XDH: variants seen among roughly 807,000 people sequenced by gnomAD.
XDH encodes the protein xanthine dehydrogenase.
Under a neutral mutation model 156.1 loss-of-function variants are expected in XDH, and 138 were observed. That is an observed-to-expected ratio of 0.88 (90% confidence interval 0.77 to 1.02). The LOEUF (loss-of-function observed/expected upper bound fraction) is 1.02. Among genes scored for constraint, XDH ranks in the 50% least tolerant of loss-of-function variants. The probability of loss-of-function intolerance (pLI) is 0.00; values close to 1 mark genes in which losing one functional copy is unlikely to be tolerated. For synonymous variants in XDH, 669 were observed against 625.7 expected, an observed-to-expected ratio of 1.07 and a Z score of -1.03; for missense variants, 1,849 against 1,684.9, an observed-to-expected ratio of 1.10 and a Z score of -1.71.
chr2:31,361,333 T>G (rs201669727), intron 24 of XDH, among the ~76,000 whole-genome samples: 2 of 152,216 alleles, frequency 1.3e-5, no homozygotes, highest in East Asian at 3.9e-4. Flanking sequence ...AGGTAATTAT[T>G]TCAGACTTTA....
At chr2:31,359,456 G>GT (rs1685716129) in intron 24 of XDH, among the ~76,000 whole-genome samples, 1 of 151,402 alleles carries the variant, frequency 6.6e-6, no homozygotes, top group Admixed American at 6.6e-5. Context: ...CAGTGATGCA[G>GT]TAACAGGTCC....
chr2:31,409,780 A>C (rs1687292389), intron 1 of XDH, among the ~76,000 whole-genome samples: 1 of 152,248 alleles, frequency 6.6e-6, no homozygotes. Flanking sequence ...ACACCTGTCC[A>C]CTGTTGATGG....
At chr2:31,338,164 C>T (rs1042897466) in intron 34 of XDH, among the ~76,000 whole-genome samples, 3 of 152,168 alleles carry the variant, frequency 2.0e-5, no homozygotes, top group African/African-American at 7.2e-5. Flanking sequence ...TAACCTTTTC[C>T]TCAGTCACTA....
chr2:31,404,067 C>T (rs1425352117), intron 2 of XDH, among the ~76,000 whole-genome samples: 7 of 148,226 alleles, frequency 4.7e-5, no homozygotes, highest in African/African-American at 1.8e-4. Context: ...AGGAAAGAAA[C>T]TTCCTCACAG....
chr2:31,386,108 C>A (rs1312066670), intron 9 of XDH, among the ~76,000 whole-genome samples: 2 of 152,186 alleles, frequency 1.3e-5, no homozygotes, highest in African/African-American at 4.8e-5. Flanking sequence ...ACACCCAAAA[C>A]AATCCTTCAA....
intron 31 of XDH, among the ~76,000 whole-genome samples, chr2:31,343,310 A>ATATATATATATATACATGTT (rs1685181121): frequency 9.8e-6 from 1 of 102,230 alleles, no homozygotes; most frequent in Non-Finnish European, 1.9e-5. Flanking sequence ...ATATATATAT[A>ATATATATATATATACATGTT]TATATATATA....
chr2:31,388,048 G>A lies in XDH; in HGVS notation c.565-151C>T, dbSNP rs986142609. 5 of 1,108,506 alleles carry A rather than the reference G, an allele frequency of 4.5e-6. No individual in the cohort carries two copies. The Admixed American group carries it at 9.9e-5, about 22-fold the overall frequency. 68.7% of individuals were successfully genotyped at this position (1,108,506 alleles called of 1,614,324 possible). A position where few individuals can be genotyped will look rare whatever the true frequency, so the allele number is the denominator to read the frequency against. Reference sequence around the variant, plus strand: ...TAATCCCTGGGAGGCAGGAATGAGAGAGTCTCAGTTACAGGACCCGGGGCT... The same window carrying A: ...TAATCCCTGGGAGGCAGGAATGAGAAAGTCTCAGTTACAGGACCCGGGGCT... On this transcript the variant is annotated intron_variant, in intron 7 of 35. Transcript: ENST00000379416.
At chr2:31,401,390 A>C (rs1177240817) in intron 3 of XDH, 62 bp from the exon 4 acceptor site, 24 of 1,564,348 alleles carry the variant, frequency 1.5e-5, no homozygotes, top group Non-Finnish European at 2.1e-5. Context: ...AATGGGCCTG[A>C]CTGTGAGCTC....
chr2:31,375,587 C>T (rs764737672), intron 14 of XDH, 33 bp from the exon 15 acceptor site: 18 of 1,607,324 alleles, frequency 1.1e-5, no homozygotes, highest in Admixed American at 6.7e-5. Context: ...ACAGCGCTCC[C>T]GCCCAGCCCT....
intron 16 of XDH, among the ~76,000 whole-genome samples, chr2:31,372,778 A>G (rs1057465850): frequency 2.0e-5 from 3 of 152,224 alleles, no homozygotes; most frequent in Non-Finnish European, 4.4e-5. Context: ...TTTGTGTTTG[A>G]CAATAATTCA....
rs1369668599 is a variant in XDH at position 31,341,507 on chromosome 2, C to T, written c.3520-113G>A. Reference sequence around the variant, plus strand: ...AAGTGCCAACCAAAGAGTACGTTCCCAAGCAGAAAGCCCTGGGTGTGCTCA... The same window carrying T: ...AAGTGCCAACCAAAGAGTACGTTCCTAAGCAGAAAGCCCTGGGTGTGCTCA... On this transcript the variant is annotated intron_variant, in intron 32 of 35. Transcript: ENST00000379416. 4.5e-6 allele frequency: 5 copies of T among 1,109,110 alleles called. No individual in the cohort carries two copies. The East Asian group carries it at 1.0e-4, about 23-fold the overall frequency. 68.7% of individuals were successfully genotyped at this position (1,109,110 alleles called of 1,614,324 possible).
In XDH at chr2:31,398,591, T is replaced by C. The variant is rs898102017; in HGVS notation, c.415A>G (p.Ile139Val). The C allele has an allele frequency of 1.2e-6, 2 of 1,613,966 alleles. No individual in the cohort carries two copies. Among genetic ancestry groups the C allele is most frequent in the Non-Finnish European group, 1.7e-6 (2 of 1,179,982 alleles). The stretch of plus-strand genomic sequence containing the variant: ...CCCATACCTTGGAAGGCATTCTCAA[T>C]CTCCTCCATGGTGGGCTCGGGCTGA... ...RNQPEPTMEE[I>V]ENAFQGNLCR... Residue 139 changes from isoleucine (I) to valine (V), a missense_variant, in exon 5 of 36, where the codon ATT becomes GTT. Physicochemically the swap from Ile to Val is conservative, Grantham distance 29. Transcript: ENST00000379416.
intron 6 of XDH, among the ~76,000 whole-genome samples, chr2:31,394,157 C>T (rs1263691603): frequency 6.6e-6 from 1 of 152,030 alleles, no homozygotes; most frequent in East Asian, 1.9e-4. Flanking sequence ...GAGTTTCTGG[C>T]CTACATCATT....
In XDH at chr2:31,403,141, C is replaced by T. The variant is rs1465874483; in HGVS notation, c.104G>A (p.Gly35Glu). 24 of 1,613,986 alleles carry T rather than the reference C, an allele frequency of 1.5e-5. No individual in the cohort carries two copies. Among genetic ancestry groups the T allele is most frequent in the Non-Finnish European group, 1.8e-5 (21 of 1,180,012 alleles). ...ACAGCCGAGCTTGGTTCCACTCAGCCCCACTGGGTGGTCAAGAGTTAAGGA... is the reference window on the plus strand; with the variant it reads ...ACAGCCGAGCTTGGTTCCACTCAGCTCCACTGGGTGGTCAAGAGTTAAGGA... The part of the protein sequence containing the change: ...TLLAYLRRKL[G>E]LSGTKLGCGE... The change falls in exon 3 of 36, where the codon GGG (glycine) becomes GAG (glutamate). Residue 35 changes from glycine (G) to glutamate (E), a missense_variant. Coordinates refer to ENST00000379416, the MANE Select transcript of XDH (RefSeq NM_000379.4).
intron 17 of XDH, 42 bp downstream of exon 17, chr2:31,372,186 C>T: frequency 2.5e-6 from 4 of 1,613,980 alleles, no homozygotes; most frequent in Non-Finnish European, 3.4e-6. Context: ...CCAGTGGCCC[C>T]CTCACAGCAT....
At chr2:31,395,220 G>A (rs985721788) in intron 6 of XDH, among the ~76,000 whole-genome samples, 1 of 152,098 alleles carries the variant, frequency 6.6e-6, no homozygotes, top group Non-Finnish European at 1.5e-5. Flanking sequence ...CAGTTTTTTG[G>A]TGAGCTTGTG....
At chr2:31,349,563 T>C (rs1047990557) in intron 26 of XDH, 123 bp downstream of exon 26, 1 of 1,417,336 alleles carries the variant, frequency 7.1e-7, no homozygotes, top group Non-Finnish European at 9.9e-7. Flanking sequence ...TGTGAATGAG[T>C]TGGCAAACTC....
chr2:31,376,777 A>G (rs1686255656), intron 14 of XDH, among the ~76,000 whole-genome samples: 1 of 129,146 alleles, frequency 7.7e-6, no homozygotes, highest in African/African-American at 3.4e-5. Context: ...TATAGTTGCA[A>G]TAATAGTAAC....
intron 3 of XDH, among the ~76,000 whole-genome samples, chr2:31,402,453 G>A (rs141980691): frequency 6.0e-4 from 92 of 152,238 alleles, no homozygotes; most frequent in Middle Eastern, 3.4e-3. Flanking sequence ...GGAATGCTGT[G>A]CACAGGGCAC....
Sources: gnomAD v4.1 joint callset for allele counts (sites outside exome capture counted in the v4.1 genomes callset) on GRCh38, gnomAD v4.1.1 for gene constraint, MANE v1.5 for transcripts, NCBI Gene and HGNC (gene_info 2026-07-23, HGNC 2026-07-21) for gene names.